The following PREX1 variants were observed in gnomAD, a reference collection of about 807,000 sequenced individuals.
PREX1 encodes phosphatidylinositol-3,4,5-trisphosphate dependent Rac exchange factor 1.
PREX1 carries 41 observed loss-of-function variants against 198.3 expected under a neutral mutation model. The ratio of observed to expected loss-of-function variants is 0.21; its 90% CI spans 0.16 to 0.27. PREX1 has a LOEUF of 0.27. PREX1 is among the 10% of genes least tolerant of loss of function. PREX1 has a pLI of 1.00. For synonymous variants in PREX1, 843 were observed against 887.2 expected, an observed-to-expected ratio of 0.95 and a Z score of 0.89; for missense variants, 1,620 against 2,200.7, an observed-to-expected ratio of 0.74 and a Z score of 5.28.
At chr20:48,680,224 T>C (rs559326653) in intron 11 of PREX1, among the ~76,000 whole-genome samples, 23 of 152,268 alleles carry the variant, frequency 1.5e-4, no homozygotes, top group African/African-American at 5.5e-4. Context: ...TAGCAATGCC[T>C]ATAAGGCCCT....
chr20:48,636,636 C>T lies in PREX1; in HGVS notation c.3994G>A (p.Val1332Met), dbSNP rs746306065. The T allele has an allele frequency of 6.2e-7, 1 of 1,611,208 alleles. No homozygotes were observed. Among genetic ancestry groups the T allele is most frequent in the Non-Finnish European group, 8.5e-7 (1 of 1,179,372 alleles). ...RRDAIFCQALVAAVCTFSKQL... is the reference protein window; with the variant it reads ...RRDAIFCQALMAAVCTFSKQL... ...TTGGAGAAGGTGCACACGGCGGCCACCAGGGCCTGGCAGAAGATCGCGTCT... is the reference window on the plus strand; with the variant it reads ...TTGGAGAAGGTGCACACGGCGGCCATCAGGGCCTGGCAGAAGATCGCGTCT... The change falls in exon 32 of 40, where the codon GTG becomes ATG. Residue 1332 changes from valine (V) to methionine (M), a missense_variant. Transcript: ENST00000371941.
intron 1 of PREX1, among the ~76,000 whole-genome samples, chr20:48,772,164 G>T (rs112581365): frequency 0.012 from 1,833 of 152,116 alleles, 31 homozygotes; most frequent in African/African-American, 0.042. Flanking sequence ...ACTGCACTCC[G>T]GCCTGGCTGA....
chr20:48,701,943 G>A (rs956798313), intron 6 of PREX1, among the ~76,000 whole-genome samples: 5 of 152,156 alleles, frequency 3.3e-5, no homozygotes, highest in East Asian at 1.9e-4. Context: ...CTGGCCGGGC[G>A]CAGTGGTTCA....
chr20:48,725,520 G>T (rs2090005803), intron 5 of PREX1, among the ~76,000 whole-genome samples: 1 of 152,254 alleles, frequency 6.6e-6, no homozygotes, highest in African/African-American at 2.4e-5. Context: ...GGAAACAGCA[G>T]GTGTATGGAA....
At chr20:48,717,595 A>C (rs548666597) in intron 5 of PREX1, among the ~76,000 whole-genome samples, 40 of 152,188 alleles carry the variant, frequency 2.6e-4, no homozygotes, top group South Asian at 1.5e-3. Context: ...GCAAAAAAAA[A>C]CCCACAAACA....
intron 4 of PREX1, among the ~76,000 whole-genome samples, chr20:48,733,088 C>T (rs2090041861): frequency 6.6e-6 from 1 of 152,236 alleles, no homozygotes; most frequent in African/African-American, 2.4e-5. Flanking sequence ...TTTATCTTGA[C>T]TCATACACAA....
chr20:48,649,284 C>T lies in PREX1; in HGVS notation c.3305+16G>A. The T allele has an allele frequency of 7.5e-6, 12 of 1,606,844 alleles. No homozygotes were observed. Among genetic ancestry groups the T allele is most frequent in the African/African-American group, 2.7e-5 (2 of 74,952 alleles). ...CCTGCCCCTGCTCACGCCGGACACC[C>T]CCGGCCAGCGCTCACCTGTTGATCT... On this transcript the variant is annotated intron_variant, in intron 25 of 39. Transcript: ENST00000371941.
chr20:48,662,784 C>G (rs890670405), intron 15 of PREX1, among the ~76,000 whole-genome samples: 1 of 152,214 alleles, frequency 6.6e-6, no homozygotes, highest in Non-Finnish European at 1.5e-5. Flanking sequence ...GAGTTCGTGG[C>G]AGGGAACAGA....
chr20:48,867,380 C>T, the PREX1 span, among the ~76,000 whole-genome samples: 1 of 152,332 alleles, frequency 6.6e-6, no homozygotes, highest in South Asian at 2.1e-4. Context: ...AAAGCACCTA[C>T]CCCAGAGTTA....
At chr20:48,804,149 G>C (rs1362156302) in intron 1 of PREX1, among the ~76,000 whole-genome samples, 1 of 152,228 alleles carries the variant, frequency 6.6e-6, no homozygotes, top group East Asian at 1.9e-4. Flanking sequence ...ACAACGACTG[G>C]ATAGCTCGTC....
At chr20:48,840,635 G>A in the PREX1 span, among the ~76,000 whole-genome samples, 10 of 152,190 alleles carry the variant, frequency 6.6e-5, no homozygotes, top group African/African-American at 2.4e-4. Flanking sequence ...TGGCTGCTTG[G>A]GGTGGGCAGG....
At position 48,692,734 on chromosome 20, in the gene PREX1, T is replaced by C; in HGVS notation, c.974A>G (p.Tyr325Cys). The change falls in exon 8 of 40, where the codon TAC becomes TGC. Residue 325 changes from tyrosine to cysteine, a missense_variant. Transcript: ENST00000371941. ...KRTKSINGSL[Y>C]IFRGRINTEV... ...AGTGTTGATTCGACCCCTGAAGATGTAGAGGGAGCCGTTGATGGATTTGGT... is the reference window on the plus strand; with the variant it reads ...AGTGTTGATTCGACCCCTGAAGATGCAGAGGGAGCCGTTGATGGATTTGGT... 1.2e-6 allele frequency: 2 copies of C among 1,614,110 alleles called. No individual in the cohort carries two copies. The highest frequency in any genetic ancestry group is 1.7e-6 in the Non-Finnish European group (2 of 1,179,996).
Position 48,639,712 on chromosome 20 carries a change from C to T in PREX1, c.3904+54G>A, listed in dbSNP as rs2089393400. The T allele has an allele frequency of 6.3e-6, 10 of 1,597,086 alleles. No individual in the cohort carries two copies. The East Asian group carries it at 2.2e-4, about 36-fold the overall frequency. On this transcript the variant is annotated intron_variant, in intron 30 of 39. Coordinates refer to ENST00000371941, the MANE Select transcript of PREX1 (RefSeq NM_020820.4). ...CCATTCCTGATTCTCTCAGGTTCCA[C>T]ACCAAAAGCCATGGCCCCCTCCCCA...
At chr20:48,754,570 A>G (rs1314114863) in intron 1 of PREX1, among the ~76,000 whole-genome samples, 2 of 151,840 alleles carry the variant, frequency 1.3e-5, no homozygotes, top group East Asian at 3.9e-4. Flanking sequence ...TGATGCCGGC[A>G]ACCTGATCTG....
chr20:48,671,960 G>A (rs570358622), intron 14 of PREX1, among the ~76,000 whole-genome samples: 1 of 152,310 alleles, frequency 6.6e-6, no homozygotes, highest in African/African-American at 2.4e-5. Context: ...GTCTCCACTT[G>A]CAACAAGATG....
At chr20:48,794,298 G>A (rs2090350776) in intron 1 of PREX1, among the ~76,000 whole-genome samples, 1 of 152,228 alleles carries the variant, frequency 6.6e-6, no homozygotes, top group Non-Finnish European at 1.5e-5. Context: ...GAGGGAGATA[G>A]GGGCACAGAG....
At chr20:48,833,898 A>G in the PREX1 span, among the ~76,000 whole-genome samples, 2 of 152,150 alleles carry the variant, frequency 1.3e-5, no homozygotes, top group Non-Finnish European at 2.9e-5. Flanking sequence ...CCTGGCTAAC[A>G]CGGTGAAACC....
chr20:48,686,928 C>T (rs2089788356), intron 10 of PREX1, among the ~76,000 whole-genome samples: 1 of 152,216 alleles, frequency 6.6e-6, no homozygotes, highest in Admixed American at 6.5e-5. Context: ...TGTCTATCAG[C>T]ATTTCAGCCT....
intron 4 of PREX1, among the ~76,000 whole-genome samples, chr20:48,729,086 T>C (rs531863691): frequency 1.0e-4 from 12 of 120,044 alleles, no homozygotes; most frequent in African/African-American, 3.6e-4. Flanking sequence ...CTTTTTTTTC[T>C]TTTTTTTCCT....
Sources: gnomAD v4.1 joint callset for allele counts (sites outside exome capture counted in the v4.1 genomes callset) on GRCh38, gnomAD v4.1.1 for gene constraint, MANE v1.5 for transcripts, NCBI Gene and HGNC (gene_info 2026-07-23, HGNC 2026-07-21) for gene names.